The following SHCBP1L variants were observed in gnomAD, a reference collection of about 807,000 sequenced individuals.
SHCBP1L encodes the protein SHC binding and spindle associated 1 like.
In SHCBP1L, 67 loss-of-function variants were observed where a neutral mutation model predicts 62.5. The observed-to-expected ratio is 1.07, with a 90% CI of 0.88 to 1.31. SHCBP1L has a LOEUF of 1.31. Ranked by LOEUF, SHCBP1L falls within the 40% of genes most tolerant of loss-of-function variation. SHCBP1L has a pLI of 0.00. For missense variants in SHCBP1L, 823 were observed against 809.8 expected, an observed-to-expected ratio of 1.02 and a Z score of -0.20; for synonymous variants, 284 against 289.4, an observed-to-expected ratio of 0.98 and a Z score of 0.19.
chr1:182,905,474 C>A (rs576926072), intron 7 of SHCBP1L, 22 bp downstream of exon 7: 4 of 1,610,544 alleles, frequency 2.5e-6, no homozygotes, highest in East Asian at 4.5e-5. Context: ...GTAAAAAAAA[C>A]TACAAAGGAT....
At chr1:182,932,063 A>G in intron 5 of SHCBP1L, among the ~76,000 whole-genome samples, 1 of 147,464 alleles carries the variant, frequency 6.8e-6, no homozygotes, top group East Asian at 2.0e-4. Context: ...TTCACTTAGT[A>G]ATATGCATTT....
chr1:182,948,483 A>T (rs12031257), intron 2 of SHCBP1L, among the ~76,000 whole-genome samples: 1 of 152,324 alleles, frequency 6.6e-6, no homozygotes, highest in East Asian at 1.9e-4. Flanking sequence ...ATTGAAGATG[A>T]AGGAAGAGGG....
At chr1:182,902,525 C>G (rs1416650919) in intron 9 of SHCBP1L, among the ~76,000 whole-genome samples, 1 of 152,128 alleles carries the variant, frequency 6.6e-6, no homozygotes, top group African/African-American at 2.4e-5. Flanking sequence ...AAAAACTTCA[C>G]TAACATAAAA....
intron 7 of SHCBP1L, 108 bp from the exon 8 acceptor site, chr1:182,904,538 T>A: frequency 4.0e-5 from 8 of 199,966 alleles, no homozygotes; most frequent in Admixed American, 7.9e-5. Context: ...TGTGTGCGTG[T>A]GTGTGTGTGT....
At chr1:182,938,269 G>C (rs956974889) in intron 5 of SHCBP1L, among the ~76,000 whole-genome samples, 1 of 149,558 alleles carries the variant, frequency 6.7e-6, no homozygotes, top group Non-Finnish European at 1.5e-5. Context: ...CACCACGCCC[G>C]GCTAATTTTG....
intron 6 of SHCBP1L, among the ~76,000 whole-genome samples, chr1:182,925,070 G>GGGAAGGAAAGGAAGGAAA (rs755423521): frequency 2.0e-5 from 3 of 146,864 alleles, no homozygotes; most frequent in Middle Eastern, 3.6e-3. Flanking sequence ...AGGGAAGGAA[G>GGGAAGGAAAGGAAGGAAA]GGAAGGAAAG....
chr1:182,926,990 T>A (rs1384140396), intron 6 of SHCBP1L, among the ~76,000 whole-genome samples: 1 of 146,298 alleles, frequency 6.8e-6, no homozygotes, highest in African/African-American at 2.5e-5. Flanking sequence ...ACCTAACTAG[T>A]AAGTGGCAAA....
At chr1:182,904,928 G>A (rs886601006) in intron 7 of SHCBP1L, among the ~76,000 whole-genome samples, 9 of 151,860 alleles carry the variant, frequency 5.9e-5, no homozygotes, top group Non-Finnish European at 1.2e-4. Context: ...TGAATTTTTT[G>A]TAGAGATGGG....
chr1:182,900,398 C>A (rs1649792092), intron 9 of SHCBP1L, among the ~76,000 whole-genome samples, 164 bp from the exon 10 acceptor site: 2 of 152,072 alleles, frequency 1.3e-5, no homozygotes, highest in South Asian at 2.1e-4. Flanking sequence ...TTTCATGACA[C>A]CAACTAACGT....
intron 2 of SHCBP1L, among the ~76,000 whole-genome samples, chr1:182,945,626 A>G (rs1257624113): frequency 6.6e-6 from 1 of 152,208 alleles, no homozygotes; most frequent in Non-Finnish European, 1.5e-5. Flanking sequence ...ATAACTTTTG[A>G]GACCTCACAT....
intron 7 of SHCBP1L, among the ~76,000 whole-genome samples, chr1:182,905,098 C>T (rs1010809311): frequency 6.6e-6 from 1 of 152,078 alleles, no homozygotes; most frequent in Admixed American, 6.6e-5. Context: ...CTTACTTCAA[C>T]GTCAAAAAGA....
Position 182,940,408 on chromosome 1 carries a change from C to T in SHCBP1L, c.691G>A (p.Val231Met). ...DEILEELEHS[V>M]PLLEVYPVEG... ...ACAGGATACACTTCCAAAAGAGGCA[C>T]ACTGTGTTCCAGTTCCTCCAAAATC... The change falls in exon 3 of 10, where the codon GTG becomes ATG. Residue 231 changes from valine (V) to methionine (M), a missense_variant. Coordinates refer to ENST00000367547, the MANE Select transcript of SHCBP1L (RefSeq NM_030933.4). 1 of 1,613,996 alleles carries T rather than the reference C, an allele frequency of 6.2e-7. No individual in the cohort carries two copies. The highest frequency in any genetic ancestry group is 8.5e-7 in the Non-Finnish European group (1 of 1,179,970).
intron 2 of SHCBP1L, among the ~76,000 whole-genome samples, chr1:182,941,421 A>G (rs1651362432): frequency 6.6e-6 from 1 of 152,176 alleles, no homozygotes; most frequent in Non-Finnish European, 1.5e-5. Flanking sequence ...TCTTTTTTAA[A>G]GTTATTCCAG....
chr1:182,934,694 T>G (rs1267361461), intron 5 of SHCBP1L, among the ~76,000 whole-genome samples: 1 of 152,138 alleles, frequency 6.6e-6, no homozygotes, highest in East Asian at 1.9e-4. Context: ...AAGTCCAACT[T>G]ATGACTTTTT....
At chr1:182,926,179 T>C (rs567039360) in intron 6 of SHCBP1L, among the ~76,000 whole-genome samples, 4 of 152,216 alleles carry the variant, frequency 2.6e-5, no homozygotes, top group South Asian at 4.1e-4. Flanking sequence ...AATTTTGCTA[T>C]GTAAATTTCA....
chr1:182,915,702 C>T (rs1246445718), intron 6 of SHCBP1L, among the ~76,000 whole-genome samples: 1 of 151,876 alleles, frequency 6.6e-6, no homozygotes, highest in African/African-American at 2.4e-5. Context: ...CAAAACAAGT[C>T]TCAATAAATA....
At chr1:182,938,216 T>G (rs1306726523) in intron 5 of SHCBP1L, among the ~76,000 whole-genome samples, 4 of 152,004 alleles carry the variant, frequency 2.6e-5, no homozygotes, top group Admixed American at 2.6e-4. Flanking sequence ...CAAGCAATTC[T>G]CCTGCCTCAG....
intron 9 of SHCBP1L, 96 bp from the exon 10 acceptor site, chr1:182,900,330 T>G (rs1000921414): frequency 2.1e-5 from 23 of 1,072,828 alleles, no homozygotes; most frequent in Non-Finnish European, 2.8e-5. Flanking sequence ...TATTCTTGGA[T>G]TAACAGATTT....
At position 182,904,227 on chromosome 1, in the gene SHCBP1L, T is replaced by G; in HGVS notation, c.1540A>C (p.Thr514Pro). 6.2e-7 allele frequency: 1 copy of G among 1,614,190 alleles called. No homozygotes were observed. The highest frequency in any genetic ancestry group is 8.5e-7 in the Non-Finnish European group (1 of 1,180,024). Residue 514 changes from threonine (T) to proline (P), a missense_variant, in exon 8 of 10, where the codon ACA (threonine) becomes CCA (proline). Coordinates refer to ENST00000367547, the MANE Select transcript of SHCBP1L (RefSeq NM_030933.4). ...KCEGTGVCVL[T>P]GAALTITDSE... ...TCTGTAATTGTCAAAGCAGCCCCTG[T>G]AAGAACACACACTCCTGTTCCTTCA...
Sources: allele counts gnomAD v4.1 joint callset (sites outside exome capture counted in the v4.1 genomes callset), GRCh38; gene constraint gnomAD v4.1.1; transcripts MANE v1.5; gene names NCBI Gene and HGNC (gene_info 2026-07-23, HGNC 2026-07-21).